The following ADAMTS3 variants were observed in gnomAD, a reference collection of about 807,000 sequenced individuals.
The protein encoded by ADAMTS3 is A disintegrin and metalloproteinase with thrombospondin motifs 3.
ADAMTS3 carries 73 observed loss-of-function variants against 129.0 expected under a neutral mutation model. The ratio of observed to expected loss-of-function variants is 0.57; its 90% confidence interval spans 0.47 to 0.69. The LOEUF (loss-of-function observed/expected upper bound fraction) is 0.69, where lower values mean the gene tolerates loss of function less well. Among genes scored for constraint, ADAMTS3 ranks in the 30% least tolerant of loss-of-function variants. ADAMTS3 has a pLI of 0.00. For synonymous variants in ADAMTS3, 477 were observed against 510.8 expected, an observed-to-expected ratio of 0.93 and a Z score of 0.89; for missense variants, 1,457 against 1,514.5, an observed-to-expected ratio of 0.96 and a Z score of 0.63.
chr4:72,368,321 T>C (rs895882138), intron 4 of ADAMTS3, among the ~76,000 whole-genome samples: 2 of 152,212 alleles, frequency 1.3e-5, no homozygotes, highest in Admixed American at 1.3e-4. Flanking sequence ...ATGCCAGTGT[T>C]AGTGCAAAAT....
intron 3 of ADAMTS3, among the ~76,000 whole-genome samples, chr4:72,517,404 A>G (rs1302215246): frequency 6.6e-6 from 1 of 152,202 alleles, no homozygotes; most frequent in Non-Finnish European, 1.5e-5. Context: ...TAGTTTCAGA[A>G]AGAATGGTAC....
At chr4:72,561,800 T>C (rs776944356) in intron 2 of ADAMTS3, among the ~76,000 whole-genome samples, 10 of 152,238 alleles carry the variant, frequency 6.6e-5, no homozygotes, top group Non-Finnish European at 1.3e-4. Context: ...CTTTTCATGC[T>C]GCTCACAATT....
chr4:72,466,685 A>C (rs1718929075), intron 3 of ADAMTS3, among the ~76,000 whole-genome samples: 1 of 151,924 alleles, frequency 6.6e-6, no homozygotes, highest in African/African-American at 2.4e-5. Context: ...GGCTCCATGT[A>C]ATCTAATGTT....
At chr4:72,474,736 A>G (rs1034664637) in intron 3 of ADAMTS3, among the ~76,000 whole-genome samples, 1 of 152,194 alleles carries the variant, frequency 6.6e-6, no homozygotes, top group South Asian at 2.1e-4. Flanking sequence ...AAATCAAAAT[A>G]GAATTCTAGG....
At chr4:72,484,706 A>C (rs1719532397) in intron 3 of ADAMTS3, among the ~76,000 whole-genome samples, 1 of 152,220 alleles carries the variant, frequency 6.6e-6, no homozygotes, top group African/African-American at 2.4e-5. Context: ...GATAGGCAGC[A>C]TGGCGGAAGT....
chr4:72,534,546 G>C (rs1002813748), intron 3 of ADAMTS3, among the ~76,000 whole-genome samples: 3 of 152,146 alleles, frequency 2.0e-5, no homozygotes, highest in East Asian at 3.9e-4. Context: ...CAGTGTAGAG[G>C]AAGAGTAATT....
At chr4:72,373,624 C>A (rs1721066808) in intron 4 of ADAMTS3, among the ~76,000 whole-genome samples, 1 of 152,102 alleles carries the variant, frequency 6.6e-6, no homozygotes, top group South Asian at 2.1e-4. Context: ...AGGGGCTGGG[C>A]ATGTTGGCTC....
intron 18 of ADAMTS3, among the ~76,000 whole-genome samples, chr4:72,297,227 G>C (rs987280149): frequency 2.3e-4 from 35 of 152,188 alleles, no homozygotes; most frequent in Non-Finnish European, 5.0e-4. Context: ...GTGGTGACTG[G>C]AGTCTGGTGA....
chr4:72,456,169 A>T (rs367679663), intron 3 of ADAMTS3, among the ~76,000 whole-genome samples: 1 of 1,246 alleles, frequency 8.0e-4, no homozygotes, highest in African/African-American at 1.9e-3. Context: ...TTTTATATAT[A>T]GTATATACTA....
chr4:72,347,090 G>A (rs1157297861), intron 4 of ADAMTS3, among the ~76,000 whole-genome samples: 2 of 151,982 alleles, frequency 1.3e-5, no homozygotes, highest in Admixed American at 6.6e-5. Context: ...AGGTGTTTAC[G>A]GCTAGTATGA....
In ADAMTS3 at chr4:72,354,598, T is replaced by C. The variant is rs553392545; in HGVS notation, c.662-14905A>G. Among the ~76,000 whole-genome samples, 16 of 152,142 alleles carry C rather than the reference T, an allele frequency of 1.1e-4. 1 individual carries two copies. In the South Asian group the frequency reaches 3.3e-3, roughly 31 times the overall value. ...GGCAAATCATTCAATAATAGAGTTTTAATGCATTTTTGATCCTAAATTACA... is the reference window on the plus strand; with the variant it reads ...GGCAAATCATTCAATAATAGAGTTTCAATGCATTTTTGATCCTAAATTACA... On this transcript the variant is annotated intron_variant, in intron 4 of 21. Coordinates refer to ENST00000286657, the MANE Select transcript of ADAMTS3 (RefSeq NM_014243.3).
Position 72,414,836 on chromosome 4 carries a change from A to T in ADAMTS3, c.640T>A (p.Ser214Thr). ...CTACCTCTGTAGTGGAAGTCTTTGG[A>T]CATGTCTATGGGAGCCTGTTCTACA... The part of the protein sequence containing the change: ...SAVEQAPIDM[S>T]KDFHYRESDL... Residue 214 changes from serine to threonine, a missense_variant, in exon 4 of 22, where the codon TCC becomes ACC. Physicochemically the swap from Ser to Thr is moderately conservative, Grantham distance 58. Coordinates refer to ENST00000286657, the MANE Select transcript of ADAMTS3 (RefSeq NM_014243.3). The T allele has an allele frequency of 6.7e-7, 1 of 1,502,260 alleles. No individual in the cohort carries two copies. The highest frequency in any genetic ancestry group is 1.8e-4 in the Middle Eastern group (1 of 5,672). 93.1% of individuals were successfully genotyped at this position (1,502,260 alleles called of 1,614,324 possible). A position where few individuals can be genotyped will look rare whatever the true frequency, so the allele number is the denominator to read the frequency against.
At chr4:72,411,424 T>G (rs534821287) in intron 4 of ADAMTS3, among the ~76,000 whole-genome samples, 68 of 152,264 alleles carry the variant, frequency 4.5e-4, no homozygotes, top group African/African-American at 1.5e-3. Flanking sequence ...AAAGTCCTCC[T>G]TATCTATAGC....
intron 3 of ADAMTS3, among the ~76,000 whole-genome samples, chr4:72,524,291 G>T (rs2109747350): frequency 6.6e-6 from 1 of 152,186 alleles, no homozygotes; most frequent in East Asian, 1.9e-4. Flanking sequence ...GTACACACTT[G>T]ATACTCGGAA....
intron 5 of ADAMTS3, among the ~76,000 whole-genome samples, chr4:72,325,963 T>A (rs1444379542): frequency 6.6e-6 from 1 of 152,112 alleles, no homozygotes; most frequent in African/African-American, 2.4e-5. Flanking sequence ...ATGGACAAAA[T>A]TATTAATCTC....
Position 72,283,270 on chromosome 4 carries a change from A to C in ADAMTS3, c.3484T>G (p.Ser1162Ala). The C allele has an allele frequency of 6.2e-7, 1 of 1,613,994 alleles. No individual in the cohort carries two copies. Among genetic ancestry groups the C allele is most frequent in the Non-Finnish European group, 8.5e-7 (1 of 1,179,948 alleles). The change falls in exon 22 of 22, where the codon TCA (serine) becomes GCA (alanine). Residue 1162 changes from serine to alanine, a missense_variant. Ser to Ala is a moderately conservative substitution (Grantham distance 99). Coordinates refer to ENST00000286657, the MANE Select transcript of ADAMTS3 (RefSeq NM_014243.3). ...AAGAAGGAAGCAGCAGCCATTTGTG[A>C]AGCTGAACTGAGGTGGACCCTCTTG... Reference protein sequence around the residue: ...PTKRVHLSSASQMAAASFFAA... With the variant: ...PTKRVHLSSAAQMAAASFFAA...
In ADAMTS3 at chr4:72,466,428, G is replaced by A. The variant is rs551607099; in HGVS notation, c.505-51457C>T. 1.2e-4 allele frequency among the ~76,000 whole-genome samples: 18 copies of A among 152,096 alleles called. No homozygotes were observed. The South Asian group carries it at 1.7e-3, about 14-fold the overall frequency. Reference sequence around the variant, plus strand: ...CTGCTGTTTGGAGAAAAGACACTACGGCAACAAGACTAGATGTGAAAAACA... The same window carrying A: ...CTGCTGTTTGGAGAAAAGACACTACAGCAACAAGACTAGATGTGAAAAACA... On this transcript the variant is annotated intron_variant, in intron 3 of 21. Transcript: ENST00000286657.
intron 3 of ADAMTS3, among the ~76,000 whole-genome samples, chr4:72,522,061 T>G (rs1232221318): frequency 2.0e-5 from 3 of 152,184 alleles, no homozygotes; most frequent in Non-Finnish European, 4.4e-5. Context: ...TCTATAGGAA[T>G]GAACCTTAAT....
chr4:72,491,983 T>A (rs1719757616), intron 3 of ADAMTS3, among the ~76,000 whole-genome samples: 1 of 151,732 alleles, frequency 6.6e-6, no homozygotes. Context: ...CCCGACACAA[T>A]TTTGGTAGTT....
Sources: allele counts gnomAD v4.1 joint callset (sites outside exome capture counted in the v4.1 genomes callset), GRCh38; gene constraint gnomAD v4.1.1; transcripts MANE v1.5; gene names NCBI Gene and HGNC (gene_info 2026-07-23, HGNC 2026-07-21).